SLC6A3: variants seen among roughly 807,000 people sequenced by gnomAD.
SLC6A3 encodes the protein solute carrier family 6 member 3.
In SLC6A3, 19 loss-of-function variants were observed where a neutral mutation model predicts 70.4. The observed-to-expected ratio is 0.27, with a 90% CI of 0.19 to 0.40. The LOEUF (loss-of-function observed/expected upper bound fraction) is 0.40. SLC6A3 is among the 10% of genes least tolerant of loss of function. The pLI is 1.00. For missense variants in SLC6A3, 613 were observed against 838.5 expected (o/e 0.73, Z 3.32); for synonymous variants, 368 against 356.6 (o/e 1.03, Z -0.36).
chr5:1,403,186 G>A, intron 12 of SLC6A3, 97 bp from the exon 13 acceptor site: 2 of 1,395,302 alleles, frequency 1.4e-6, no homozygotes, highest in Non-Finnish European at 2.0e-6. Context: ...GCGTCTCTCA[G>A]CCCCCACAGC....
chr5:1,434,755 A>G (rs1006310308), intron 3 of SLC6A3, among the ~76,000 whole-genome samples: 7 of 152,232 alleles, frequency 4.6e-5, no homozygotes, highest in Admixed American at 2.0e-4. Context: ...CATACCTTCA[A>G]GGTGACTTTT....
intron 10 of SLC6A3, 144 bp downstream of exon 10, chr5:1,409,577 C>G (rs562242794): frequency 1.1e-6 from 1 of 929,954 alleles, no homozygotes; most frequent in Non-Finnish European, 1.7e-6. Context: ...TGCACTGCTA[C>G]GAGTCATTTT....
At chr5:1,425,357 G>A (rs191166377) in intron 4 of SLC6A3, among the ~76,000 whole-genome samples, 69 of 152,306 alleles carry the variant, frequency 4.5e-4, no homozygotes, top group Admixed American at 1.4e-3. Flanking sequence ...CTTCCTATTA[G>A]AACAAATCTA....
Position 1,394,386 on chromosome 5 carries a change from C to A in SLC6A3, c.*349G>T, listed in dbSNP as rs993977750. On this transcript the variant is annotated 3_prime_UTR_variant, in exon 15 of 15. Coordinates refer to ENST00000270349, the MANE Select transcript of SLC6A3 (RefSeq NM_001044.5). The surrounding 1 kb of genome is among the most constrained non-coding windows in gnomAD (Gnocchi z 4.7). ...GTGATCCCCGCCTGAGAACACAGTG[C>A]CCCTGGGGCAGCCTCAGAGCCGGGA... The A allele has an allele frequency of 1.6e-4, 73 of 470,498 alleles. No individual in the cohort carries two copies. The highest frequency in any genetic ancestry group is 1.3e-3 in the African/African-American group (67 of 50,860). The allele number at this position is 470,498 out of a possible 1,614,324, so 29.1% of individuals were successfully genotyped here. A position where few individuals can be genotyped will look rare whatever the true frequency, so the allele number is the denominator to read the frequency against.
rs1755981267 is a variant in SLC6A3, at chr5:1,406,432, C to A, written c.1499-144G>T. 2.8e-6 allele frequency: 2 copies of A among 719,466 alleles called. No homozygotes were observed. Among genetic ancestry groups the A allele is most frequent in the Admixed American group, 2.1e-5 (1 of 48,752 alleles). 44.6% of individuals were successfully genotyped at this position (719,466 alleles called of 1,614,324 possible). A position where few individuals can be genotyped will look rare whatever the true frequency, so the allele number is the denominator to read the frequency against. On this transcript the variant is annotated intron_variant, in intron 11 of 14. Coordinates refer to ENST00000270349, the MANE Select transcript of SLC6A3 (RefSeq NM_001044.5). The surrounding 1 kb of genome is among the most constrained non-coding windows in gnomAD (Gnocchi z 8.8). ...TGCACCCAGCCTCCTGCAGAGGAGGCCAGGCCACACCCCAGCCCACTGGGT... is the reference window on the plus strand; with the variant it reads ...TGCACCCAGCCTCCTGCAGAGGAGGACAGGCCACACCCCAGCCCACTGGGT...
Position 1,442,849 on chromosome 5 carries a change from C to T in SLC6A3, c.286+63G>A, listed in dbSNP as rs557739445. The stretch of plus-strand genomic sequence containing the variant: ...CATCTCGTTTCCGTACGTGCCTTGG[C>T]CCCGGCTGCCCCTACGACCCCCGCC... On this transcript the variant is annotated intron_variant, in intron 2 of 14. Coordinates refer to ENST00000270349, the MANE Select transcript of SLC6A3 (RefSeq NM_001044.5). This position sits in a 1 kb window ranked among gnomAD's most constrained non-coding sequence, Gnocchi z 5.0. 27 of 1,552,874 alleles carry T rather than the reference C, an allele frequency of 1.7e-5. No individual in the cohort carries two copies. The highest frequency in any genetic ancestry group is 1.7e-4 in the Admixed American group (10 of 59,938).
intron 4 of SLC6A3, among the ~76,000 whole-genome samples, chr5:1,431,651 A>G (rs1270870131): frequency 6.7e-6 from 1 of 150,366 alleles, no homozygotes; most frequent in African/African-American, 2.5e-5. Flanking sequence ...GCCGAGGTGG[A>G]CAGTGAGCGA....
At chr5:1,418,017 G>A (rs1031231765) in intron 6 of SLC6A3, among the ~76,000 whole-genome samples, 3 of 152,220 alleles carry the variant, frequency 2.0e-5, no homozygotes, top group Admixed American at 6.5e-5. Context: ...GAGGCAGATG[G>A]CCAGGCCCCG....
Position 1,409,791 on chromosome 5 carries a change from C to T in SLC6A3, c.1328G>A (p.Arg443Lys). 1 of 1,613,440 alleles carries T rather than the reference C, an allele frequency of 6.2e-7. No individual in the cohort carries two copies. Among genetic ancestry groups the T allele is most frequent in the Non-Finnish European group, 8.5e-7 (1 of 1,179,982 alleles). The change falls in exon 10 of 15, where the codon AGA becomes AAA. Residue 443 changes from arginine (R) to lysine (K), a missense_variant. Coordinates refer to ENST00000270349, the MANE Select transcript of SLC6A3 (RefSeq NM_001044.5). ...GAAGAGCGTGAAGAGCTCACGGTGT[C>T]TGTGCAGCAGCTGGAACTCATCGAT... ...GLIDEFQLLHRHRELFTLFIV... is the reference protein window; with the variant it reads ...GLIDEFQLLHKHRELFTLFIV...
Position 1,394,316 on chromosome 5 carries a change from C to A in SLC6A3, c.*419G>T. The A allele has an allele frequency of 3.1e-6, 1 of 325,712 alleles. No homozygotes were observed. Among genetic ancestry groups the A allele is most frequent in the Admixed American group, 4.3e-5 (1 of 23,116 alleles). The allele number at this position is 325,712 out of a possible 1,614,324, so 20.2% of individuals were successfully genotyped here. ...TGGGCAAAGTAAATGGTCTAGGAAG[C>A]TACTGTGAGCACGGGGATTCTCAGC... On this transcript the variant is annotated 3_prime_UTR_variant, in exon 15 of 15. Transcript: ENST00000270349. This position sits in a 1 kb window ranked among gnomAD's most constrained non-coding sequence, Gnocchi z 4.7.
intron 9 of SLC6A3, among the ~76,000 whole-genome samples, chr5:1,410,173 A>G (rs745426453): frequency 1.3e-5 from 2 of 152,218 alleles, no homozygotes; most frequent in Non-Finnish European, 2.9e-5. Context: ...GCACGGGCTC[A>G]GCTTGGCCAG....
rs1394904718 is a variant in SLC6A3 at position 1,397,713 on chromosome 5, G to A, written c.1840-2955C>T. The stretch of plus-strand genomic sequence containing the variant: ...AGATGTTCCCACACACCAATAGTGA[G>A]GGAGGTTAGCAAGAGACCTCCTCAA... On this transcript the variant is annotated intron_variant, in intron 14 of 14. Coordinates refer to ENST00000270349, the MANE Select transcript of SLC6A3 (RefSeq NM_001044.5). The surrounding 1 kb of genome is among the most constrained non-coding windows in gnomAD (Gnocchi z 4.7). Among the ~76,000 whole-genome samples, 2 of 152,212 alleles carry A rather than the reference G, an allele frequency of 1.3e-5. No homozygotes were observed. Among genetic ancestry groups the A allele is most frequent in the African/African-American group, 2.4e-5 (1 of 41,452 alleles).
intron 1 of SLC6A3, among the ~76,000 whole-genome samples, chr5:1,444,315 T>C (rs1195632068): frequency 6.6e-6 from 1 of 152,082 alleles, no homozygotes; most frequent in Non-Finnish European, 1.5e-5. Context: ...ACTTCTGTCA[T>C]TTGGATCCAG....
In SLC6A3 at chr5:1,438,640, T is replaced by C. The variant is rs1243158462; in HGVS notation, c.418+2719A>G. 6.6e-6 allele frequency among the ~76,000 whole-genome samples: 1 copy of C among 152,222 alleles called. No individual in the cohort carries two copies. The highest frequency in any genetic ancestry group is 1.5e-5 in the Non-Finnish European group (1 of 68,030). Reference sequence around the variant, plus strand: ...ACAGACGGAAGGAAATGAGCTCTTATCTGCGGACCTACAGGTCCCTTTTTC... The same window carrying C: ...ACAGACGGAAGGAAATGAGCTCTTACCTGCGGACCTACAGGTCCCTTTTTC... On this transcript the variant is annotated intron_variant, in intron 3 of 14. Transcript: ENST00000270349. This position sits in a 1 kb window ranked among gnomAD's most constrained non-coding sequence, Gnocchi z 6.5.
rs1560913023 is a variant in SLC6A3, at chr5:1,414,487, AGGGTCAGGGCGGGGAAGGCG to A, written c.1156+184_1156+203del. On this transcript the variant is annotated intron_variant, in intron 8 of 14. Coordinates refer to ENST00000270349, the MANE Select transcript of SLC6A3 (RefSeq NM_001044.5). ...GGAAGGCGCTGGGTGGGGGGCCTGG[AGGGTCAGGGCGGGGAAGGCG>A]CTGGGTGGGGGCAGGTCTGTACTGG... is the stretch of plus-strand genomic sequence containing the variant. 3.3e-3 allele frequency among the ~76,000 whole-genome samples: 120 copies of A among 36,432 alleles called. 1 individual carries two copies. The highest frequency in any genetic ancestry group is 0.02 in the Middle Eastern group (2 of 102). The allele number at this position is 36,432 out of a possible 152,430, so 23.9% of individuals were successfully genotyped here. A position where few individuals can be genotyped will look rare whatever the true frequency, so the allele number is the denominator to read the frequency against.
chr5:1,442,973 G>C lies in SLC6A3; in HGVS notation c.225C>G (p.Gly75=). Residue 75 remains glycine, a synonymous_variant, in exon 2 of 15, where the codon GGC becomes GGG. Coordinates refer to ENST00000270349, the MANE Select transcript of SLC6A3 (RefSeq NM_001044.5). This position sits in a 1 kb window ranked among gnomAD's most constrained non-coding sequence, Gnocchi z 5.0. ...AGACGTTGGCCAGGTCCACAGCAAA[G>C]CCAATGACGGACAGGAGAAAGTCGA... The part of the protein sequence containing the change: ...KKIDFLLSVI[G]FAVDLANVWR... The C allele has an allele frequency of 6.2e-7, 1 of 1,614,214 alleles. No individual in the cohort carries two copies. Among genetic ancestry groups the C allele is most frequent in the South Asian group, 1.1e-5 (1 of 91,080 alleles).
rs993764530 is a variant in SLC6A3, at chr5:1,408,288, C to T, written c.1498+738G>A. Among the ~76,000 whole-genome samples the T allele has an allele frequency of 1.5e-4, 22 of 151,086 alleles. No individual in the cohort carries two copies. Among genetic ancestry groups the T allele is most frequent in the African/African-American group, 5.1e-4 (21 of 40,896 alleles). On this transcript the variant is annotated intron_variant, in intron 11 of 14. Coordinates refer to ENST00000270349, the MANE Select transcript of SLC6A3 (RefSeq NM_001044.5). The surrounding 1 kb of genome is among the most constrained non-coding windows in gnomAD (Gnocchi z 6.4). ...TGATCTCTTGATCTCGTGATCTGCC[C>T]ACCTCGGCCTCCCAAAGTGCTGGGA...
At chr5:1,419,668 T>A (rs1268303363) in intron 6 of SLC6A3, among the ~76,000 whole-genome samples, 1 of 152,194 alleles carries the variant, frequency 6.6e-6, no homozygotes, top group Non-Finnish European at 1.5e-5. Flanking sequence ...CGGCCACAGC[T>A]GATTTTGCTG....
At chr5:1,440,819 T>G (rs28742608) in intron 3 of SLC6A3, among the ~76,000 whole-genome samples, 8,312 of 152,282 alleles carry the variant, frequency 0.055, 240 homozygotes, top group Middle Eastern at 0.099. Context: ...ACAGACACCT[T>G]GATCTTGGAC....
Sources: allele counts gnomAD v4.1 joint callset (sites outside exome capture counted in the v4.1 genomes callset), GRCh38; gene constraint gnomAD v4.1.1; non-coding constraint Gnocchi (gnomAD v3.1); transcripts MANE v1.5; gene names NCBI Gene and HGNC (gene_info 2026-07-23, HGNC 2026-07-21).